Variants in STPG2 observed in about 807,000 individuals in gnomAD.
STPG2 encodes sperm tail PG-rich repeat containing 2.
In STPG2, 56 loss-of-function variants were observed where a neutral mutation model predicts 54.2. The observed-to-expected ratio is 1.03, with a 90% CI of 0.83 to 1.29. The LOEUF (loss-of-function observed/expected upper bound fraction) is 1.29. Among genes scored for constraint, STPG2 ranks in the 50% most tolerant of loss-of-function variants. The pLI is 0.00. For synonymous variants in STPG2, 200 were observed against 181.8 expected, an observed-to-expected ratio of 1.10 and a Z score of -0.81; for missense variants, 596 against 544.9, an observed-to-expected ratio of 1.09 and a Z score of -0.93.
intron 5 of STPG2, among the ~76,000 whole-genome samples, chr4:98,070,002 T>C (rs1246552532): frequency 6.6e-6 from 1 of 151,840 alleles, no homozygotes; most frequent in Non-Finnish European, 1.5e-5. Context: ...TTCCAAAAAT[T>C]GAAAAGGAGG....
At chr4:97,591,123 A>T (rs1733134999) in intron 10 of STPG2, among the ~76,000 whole-genome samples, 4 of 152,192 alleles carry the variant, frequency 2.6e-5, no homozygotes, top group African/African-American at 7.2e-5. Context: ...GACAGAAGAT[A>T]TTAATATTAG....
chr4:97,969,478 G>A (rs1734242737), intron 7 of STPG2, among the ~76,000 whole-genome samples: 1 of 152,016 alleles, frequency 6.6e-6, no homozygotes, highest in Admixed American at 6.6e-5. Context: ...CAGCATCACA[G>A]GACCAAAAGG....
At chr4:97,953,147 C>T (rs1177783618) in intron 7 of STPG2, among the ~76,000 whole-genome samples, 1 of 152,222 alleles carries the variant, frequency 6.6e-6, no homozygotes, top group Admixed American at 6.5e-5. Context: ...CTGACTCTAC[C>T]CATGCAGGGC....
chr4:97,555,913 T>C (rs1732067046), downstream of STPG2, among the ~76,000 whole-genome samples: 1 of 152,106 alleles, frequency 6.6e-6, no homozygotes, highest in South Asian at 2.1e-4. Flanking sequence ...CAGCTACATA[T>C]ATTTATCATT....
intron 10 of STPG2, among the ~76,000 whole-genome samples, chr4:97,687,062 T>C (rs1723216205): frequency 6.6e-6 from 1 of 151,638 alleles, no homozygotes; most frequent in Non-Finnish European, 1.5e-5. Flanking sequence ...TGCCTCAGCC[T>C]CCCGAGTAGC....
intron 10 of STPG2, among the ~76,000 whole-genome samples, chr4:97,664,767 A>G (rs1056823376): frequency 6.6e-6 from 1 of 152,176 alleles, no homozygotes; most frequent in Admixed American, 6.5e-5. Context: ...CACCAGCCAG[A>G]AACCTCTGTG....
At chr4:97,765,025 C>T (rs191296953) in intron 9 of STPG2, among the ~76,000 whole-genome samples, 36 of 152,020 alleles carry the variant, frequency 2.4e-4, no homozygotes, top group Admixed American at 2.4e-3. Flanking sequence ...TCAGTGGGTA[C>T]TATGTTTGTG....
intron 5 of STPG2, among the ~76,000 whole-genome samples, chr4:98,033,787 C>T (rs1215980411): frequency 6.6e-6 from 1 of 152,208 alleles, no homozygotes. Flanking sequence ...GGATGCAAAG[C>T]TGATTCAACA....
At chr4:98,081,174 T>C (rs1738331451) in intron 5 of STPG2, among the ~76,000 whole-genome samples, 1 of 152,194 alleles carries the variant, frequency 6.6e-6, no homozygotes, top group South Asian at 2.1e-4. Context: ...CCAAGGGTGT[T>C]GACACAGAAT....
intron 9 of STPG2, among the ~76,000 whole-genome samples, chr4:97,800,875 G>A (rs1287770881): frequency 1.3e-5 from 2 of 152,122 alleles, no homozygotes; most frequent in African/African-American, 4.8e-5. Context: ...TCAAGCCTCA[G>A]CAATGGCAGG....
intron 9 of STPG2, among the ~76,000 whole-genome samples, chr4:97,813,910 A>C (rs1727827620): frequency 6.6e-6 from 1 of 152,040 alleles, no homozygotes; most frequent in Non-Finnish European, 1.5e-5. Flanking sequence ...TAGGTCATTC[A>C]AGTAATCAGA....
At chr4:97,744,703 A>G (rs1725370566) in intron 9 of STPG2, among the ~76,000 whole-genome samples, 1 of 151,320 alleles carries the variant, frequency 6.6e-6, no homozygotes, top group Non-Finnish European at 1.5e-5. Flanking sequence ...ATTAACAACA[A>G]TAACTAATAA....
chr4:97,640,044 A>G (rs966900496), intron 10 of STPG2, among the ~76,000 whole-genome samples: 1 of 152,098 alleles, frequency 6.6e-6, no homozygotes, highest in Non-Finnish European at 1.5e-5. Context: ...TGTAAAAATA[A>G]AAAATGGTTA....
intron 8 of STPG2, among the ~76,000 whole-genome samples, chr4:97,899,303 G>T (rs1484780305): frequency 6.6e-6 from 1 of 151,570 alleles, no homozygotes; most frequent in Non-Finnish European, 1.5e-5. Context: ...TTACAAAACA[G>T]TGCTCACAGA....
intron 5 of STPG2, among the ~76,000 whole-genome samples, chr4:98,044,991 G>A (rs1029178433): frequency 2.6e-5 from 4 of 151,928 alleles, no homozygotes; most frequent in African/African-American, 9.7e-5. Flanking sequence ...AAAGCCTCCA[G>A]TACTAGCTGT....
chr4:97,468,386 A>G (rs769939355), intron 4 of STPG2, among the ~76,000 whole-genome samples: 1 of 152,038 alleles, frequency 6.6e-6, no homozygotes, highest in Non-Finnish European at 1.5e-5. Context: ...ATTATCAAGA[A>G]GAAAGGAAAA....
intron 6 of STPG2, among the ~76,000 whole-genome samples, chr4:97,976,764 G>A (rs940043020): frequency 1.8e-4 from 28 of 152,146 alleles, no homozygotes; most frequent in African/African-American, 3.1e-4. Context: ...TCTAGATTAC[G>A]TTTTAGAGGT....
intron 9 of STPG2, among the ~76,000 whole-genome samples, chr4:97,778,114 G>A (rs1314969767): frequency 6.6e-6 from 1 of 152,152 alleles, no homozygotes; most frequent in African/African-American, 2.4e-5. Flanking sequence ...GCAGGGTGAG[G>A]CATCGACTCA....
intron 5 of STPG2, among the ~76,000 whole-genome samples, chr4:98,095,437 TA>T (rs1487532192): frequency 6.6e-6 from 1 of 152,044 alleles, no homozygotes; most frequent in African/African-American, 2.4e-5. Context: ...CACACTTCTA[TA>T]AAGATGCACA....
Sources: gnomAD v4.1 joint callset for allele counts (sites outside exome capture counted in the v4.1 genomes callset) on GRCh38, gnomAD v4.1.1 for gene constraint, MANE v1.5 for transcripts, NCBI Gene and HGNC (gene_info 2026-07-23, HGNC 2026-07-21) for gene names.